The following CRTAP variants were observed in gnomAD, a reference collection of about 807,000 sequenced individuals.
CRTAP encodes the protein cartilage associated protein, also known as cartilage-associated protein.
CRTAP carries 33 observed loss-of-function variants against 42.7 expected under a neutral mutation model. That is an observed-to-expected ratio of 0.77 (90% CI 0.59 to 1.03). The LOEUF (loss-of-function observed/expected upper bound fraction) is 1.03. CRTAP is among the 50% of genes least tolerant of loss of function. The pLI, the probability that CRTAP is intolerant of heterozygous loss-of-function variation, is 0.00. For missense variants in CRTAP, 613 were observed against 533.9 expected, an observed-to-expected ratio of 1.15 and a Z score of -1.46; for synonymous variants, 243 against 217.7, an observed-to-expected ratio of 1.12 and a Z score of -1.02.
rs371845227 is a variant in CRTAP, at chr3:33,124,530, G to A, written c.744G>A (p.Glu248=). The change falls in exon 3 of 7, where the codon GAG becomes GAA. Residue 248 remains glutamate, a synonymous_variant. Transcript: ENST00000320954. Reference sequence around the variant, plus strand: ...TTTACGAGTGTCTCGCAGCCTGCGAGGGTTCCAGGGAGATCAAGGACTTCA... The same window carrying A: ...TTTACGAGTGTCTCGCAGCCTGCGAAGGTTCCAGGGAGATCAAGGACTTCA... ...KAFYECLAAC[E]GSREIKDFKD... 29 of 1,614,106 alleles carry A rather than the reference G, an allele frequency of 1.8e-5. No individual in the cohort carries two copies. Among genetic ancestry groups the A allele is most frequent in the African/African-American group, 2.7e-5 (2 of 74,928 alleles).
chr3:33,114,462 T>C lies in CRTAP; in HGVS notation c.385T>C (p.Phe129Leu). ...GCGCTGCAAGCAGGGCCTGCCAGCC[T>C]TCCGCCAGTCCCAGCCCAGCCGCGA... ...LKRCKQGLPA[F>L]RQSQPSREVL... The change falls in exon 1 of 7, where the codon TTC becomes CTC. Residue 129 changes from phenylalanine (F) to leucine (L), a missense_variant. Transcript: ENST00000320954. 6.3e-7 allele frequency: 1 copy of C among 1,590,582 alleles called. No individual in the cohort carries two copies. Among genetic ancestry groups the C allele is most frequent in the Non-Finnish European group, 8.5e-7 (1 of 1,170,636 alleles).
chr3:33,119,021 C>G (rs1015865916), intron 1 of CRTAP, among the ~76,000 whole-genome samples: 1 of 152,154 alleles, frequency 6.6e-6, no homozygotes, highest in Admixed American at 6.5e-5. Context: ...TCCTGCAGCT[C>G]CTCTCCAATT....
intron 1 of CRTAP, among the ~76,000 whole-genome samples, chr3:33,119,781 T>C (rs980104738): frequency 6.6e-6 from 1 of 152,112 alleles, no homozygotes; most frequent in African/African-American, 2.4e-5. Flanking sequence ...CAAGAGATAG[T>C]GTTCTGCCAC....
At position 33,134,226 on chromosome 3, in the gene CRTAP, G is replaced by A; in HGVS notation, c.1113G>A (p.Leu371=). 6.2e-7 allele frequency: 1 copy of A among 1,613,250 alleles called. No individual in the cohort carries two copies. The highest frequency in any genetic ancestry group is 1.1e-5 in the South Asian group (1 of 91,066). Residue 371 remains leucine, a synonymous_variant, in exon 6 of 7, where the codon CTG becomes CTA. Transcript: ENST00000320954. ...ATGTGACCACACTCCAGAAGGAGCT[G>A]TATGACTTTGCTAAGGAAAATATAA... ...FFNVTTLQKE[L]YDFAKENIMD... is the part of the protein sequence containing the mutation.
At chr3:33,124,292 C>A in intron 2 of CRTAP, 116 bp from the exon 3 acceptor site, 1 of 1,201,838 alleles carries the variant, frequency 8.3e-7, no homozygotes, top group Non-Finnish European at 1.2e-6. Context: ...GCCAGTGTGG[C>A]TTCTTCAGAG....
chr3:33,114,665 C>T (rs1701323917), intron 1 of CRTAP, 117 bp downstream of exon 1: 1 of 931,118 alleles, frequency 1.1e-6, no homozygotes, highest in Non-Finnish European at 1.6e-6. Context: ...ACCTGGCTCC[C>T]TCCCATCCAG....
chr3:33,132,402 G>A (rs1458005375), intron 4 of CRTAP, among the ~76,000 whole-genome samples, 153 bp from the exon 5 acceptor site: 2 of 152,208 alleles, frequency 1.3e-5, no homozygotes, highest in African/African-American at 2.4e-5. Flanking sequence ...CCCATCTGTG[G>A]CCTGCCCACC....
intron 6 of CRTAP, among the ~76,000 whole-genome samples, chr3:33,140,628 C>T (rs1353096476): frequency 2.0e-5 from 3 of 152,108 alleles, no homozygotes; most frequent in East Asian, 1.9e-4. Flanking sequence ...TGAAAGTTTA[C>T]GCACTGGTTC....
At chr3:33,119,105 G>A (rs1178017349) in intron 1 of CRTAP, among the ~76,000 whole-genome samples, 1 of 152,130 alleles carries the variant, frequency 6.6e-6, no homozygotes, top group Non-Finnish European at 1.5e-5. Context: ...TGCTGGTTCT[G>A]ACCAGATATC....
rs746374230 is a variant in CRTAP at position 33,130,012 on chromosome 3, G to A, written c.867G>A (p.Pro289=). Residue 289 remains proline, a synonymous_variant, in exon 4 of 7, where the codon CCG becomes CCA. Transcript: ENST00000320954. ...TCACCCCAGTTATAGGAGGCTATCC[G>A]GTTGAGAAATTTGTGGCTACCATGT... ...ENLTPVIGGY[P]VEKFVATMYH... The A allele has an allele frequency of 8.1e-6, 13 of 1,613,612 alleles. No individual in the cohort carries two copies. The highest frequency in any genetic ancestry group is 1.7e-5 in the Admixed American group (1 of 60,018).
At chr3:33,119,256 A>G (rs1215330975) in intron 1 of CRTAP, among the ~76,000 whole-genome samples, 1 of 152,192 alleles carries the variant, frequency 6.6e-6, no homozygotes, top group African/African-American at 2.4e-5. Flanking sequence ...ACAGATACTT[A>G]TTGTGTCCTG....
rs2030688320 is a variant in CRTAP at position 33,145,193 on chromosome 3, A to G, written c.*2745A>G. On this transcript the variant is annotated 3_prime_UTR_variant, in exon 7 of 7. Transcript: ENST00000320954. This position sits in a 1 kb window ranked among gnomAD's most constrained non-coding sequence, Gnocchi z 4.3. Reference sequence around the variant, plus strand: ...TCCTGCTTTCCTCATCCCTTCTGACACCACGTCCTCACTCACCTGCACAAG... The same window carrying G: ...TCCTGCTTTCCTCATCCCTTCTGACGCCACGTCCTCACTCACCTGCACAAG... The G allele has an allele frequency of 1.3e-5, 2 of 152,636 alleles. No homozygotes were observed. Among genetic ancestry groups the G allele is most frequent in the African/African-American group, 4.8e-5 (2 of 41,410 alleles). The allele number at this position is 152,636 out of a possible 1,614,324, so 9.5% of individuals were successfully genotyped here.
At position 33,114,105 on chromosome 3, in the gene CRTAP, G is replaced by A; in HGVS notation, c.28G>A (p.Ala10Thr). MEPGRRGAA[A>T]LLALLCVACA... Reference sequence around the variant, plus strand: ...GGAGCCGGGGCGCCGGGGGGCCGCGGCGCTGCTAGCGCTGCTGTGCGTGGC... The same window carrying A: ...GGAGCCGGGGCGCCGGGGGGCCGCGACGCTGCTAGCGCTGCTGTGCGTGGC... Residue 10 changes from alanine (A) to threonine (T), a missense_variant, in exon 1 of 7, where the codon GCG becomes ACG. By Grantham distance (58) the Ala-to-Thr change is moderately conservative. Transcript: ENST00000320954. The A allele has an allele frequency of 1.4e-6, 2 of 1,477,866 alleles. No individual in the cohort carries two copies. Among genetic ancestry groups the A allele is most frequent in the African/African-American group, 1.5e-5 (1 of 68,422 alleles). 91.5% of individuals were successfully genotyped at this position (1,477,866 alleles called of 1,614,324 possible). A position where few individuals can be genotyped will look rare whatever the true frequency, so the allele number is the denominator to read the frequency against.
chr3:33,137,538 T>C (rs1378804639), intron 6 of CRTAP, among the ~76,000 whole-genome samples: 2 of 152,274 alleles, frequency 1.3e-5, no homozygotes, highest in Non-Finnish European at 2.9e-5. Flanking sequence ...TTGTCCACTT[T>C]AAAATTGTTA....
intron 2 of CRTAP, 48 bp from the exon 3 acceptor site, chr3:33,124,360 C>A: frequency 1.2e-6 from 2 of 1,611,244 alleles, no homozygotes; most frequent in Non-Finnish European, 1.7e-6. Context: ...ATGACTGTCT[C>A]CCTTCACGCC....
At position 33,114,028 on chromosome 3, in the gene CRTAP, T is replaced by C; in HGVS notation, c.-50T>C. On this transcript the variant is annotated 5_prime_UTR_variant, in exon 1 of 7. Coordinates refer to ENST00000320954, the MANE Select transcript of CRTAP (RefSeq NM_006371.5). ...CCGTCCTCTTTCCTTTCCTTCTCCC[T>C]CCCCTTTTCCCTTCCTTCGTCCCTT... 7.4e-7 allele frequency: 1 copy of C among 1,344,284 alleles called. No homozygotes were observed. The highest frequency in any genetic ancestry group is 9.8e-7 in the Non-Finnish European group (1 of 1,021,292). The allele number at this position is 1,344,284 out of a possible 1,614,324, so 83.3% of individuals were successfully genotyped here.
At chr3:33,132,978 T>C (rs1021460883) in intron 5 of CRTAP, among the ~76,000 whole-genome samples, 1 of 123,426 alleles carries the variant, frequency 8.1e-6, no homozygotes, top group African/African-American at 3.3e-5. Flanking sequence ...CTTGGGAGGC[T>C]GAGGCAGAAG....
intron 6 of CRTAP, among the ~76,000 whole-genome samples, chr3:33,136,186 G>A (rs966081795): frequency 1.3e-5 from 2 of 152,126 alleles, no homozygotes; most frequent in Non-Finnish European, 2.9e-5. Flanking sequence ...CTTTCACTGA[G>A]CATATGTTTT....
In CRTAP at chr3:33,120,807, C is replaced by G. The variant is rs116366735; in HGVS notation, c.621+314C>G. 3.1e-3 allele frequency among the ~76,000 whole-genome samples: 470 copies of G among 152,078 alleles called. 3 individuals are homozygous for G. The highest frequency in any genetic ancestry group is 4.0e-3 in the Non-Finnish European group (270 of 67,972). On this transcript the variant is annotated intron_variant, in intron 2 of 6. Coordinates refer to ENST00000320954, the MANE Select transcript of CRTAP (RefSeq NM_006371.5). ...AAATCATCTAAAATGACCAGGAACACAAGAAATAGAAACATAAATCTCCAG... is the reference window on the plus strand; with the variant it reads ...AAATCATCTAAAATGACCAGGAACAGAAGAAATAGAAACATAAATCTCCAG...
Sources: gnomAD v4.1 joint callset for allele counts (sites outside exome capture counted in the v4.1 genomes callset) on GRCh38, gnomAD v4.1.1 for gene constraint, Gnocchi (gnomAD v3.1) non-coding constraint, MANE v1.5 for transcripts, NCBI Gene and HGNC (gene_info 2026-07-23, HGNC 2026-07-21) for gene names.